Variants in SNTG2 observed in about 807,000 individuals in gnomAD.
SNTG2 encodes gamma-2-syntrophin.
A neutral mutation model predicts 70.9 loss-of-function variants in SNTG2; 74 were observed. The observed-to-expected ratio is 1.04, with a 90% CI of 0.86 to 1.27. The LOEUF (loss-of-function observed/expected upper bound fraction) is 1.27, where lower values mean the gene tolerates loss of function less well. Ranked by LOEUF, SNTG2 falls within the 50% of genes most tolerant of loss-of-function variation. The pLI, the probability that SNTG2 is intolerant of heterozygous loss-of-function variation, is 0.00. For synonymous variants in SNTG2, 278 were observed against 273.8 expected (o/e 1.02, Z -0.15); for missense variants, 717 against 690.7 (o/e 1.04, Z -0.43).
At chr2:975,547 G>A (rs1249985671) in intron 1 of SNTG2, among the ~76,000 whole-genome samples, 1 of 152,200 alleles carries the variant, frequency 6.6e-6, no homozygotes, top group Non-Finnish European at 1.5e-5. Context: ...AAGCTCTAAA[G>A]ATTAATTAAG....
chr2:1,244,695 C>CAAAAAA (rs558051455), intron 11 of SNTG2, among the ~76,000 whole-genome samples: 1 of 88,614 alleles, frequency 1.1e-5, no homozygotes, highest in Non-Finnish European at 2.3e-5. Context: ...GACTCCATCT[C>CAAAAAA]AAAAAAAAAA....
intron 12 of SNTG2, among the ~76,000 whole-genome samples, chr2:1,250,419 A>G (rs182974737): frequency 7.4e-5 from 11 of 148,942 alleles, no homozygotes; most frequent in Non-Finnish European, 1.2e-4. Context: ...ATCTCTTTCT[A>G]TCCCTCTCTC....
intron 16 of SNTG2, among the ~76,000 whole-genome samples, chr2:1,338,028 T>G (rs1016205407): frequency 6.6e-6 from 1 of 152,192 alleles, no homozygotes; most frequent in African/African-American, 2.4e-5. Context: ...TAGGCCAGGT[T>G]TTACTTCTGT....
chr2:1,354,896 G>A (rs1660760395), intron 16 of SNTG2, among the ~76,000 whole-genome samples: 1 of 152,228 alleles, frequency 6.6e-6, no homozygotes, highest in African/African-American at 2.4e-5. Flanking sequence ...CCTCTGGGTA[G>A]ACGTTTCACA....
At chr2:1,276,997 T>G (rs1165548018) in intron 14 of SNTG2, among the ~76,000 whole-genome samples, 1 of 152,254 alleles carries the variant, frequency 6.6e-6, no homozygotes, top group East Asian at 1.9e-4. Flanking sequence ...ATGATTGAAT[T>G]GCTGCAATCT....
At chr2:1,137,307 C>T (rs1158494432) in intron 4 of SNTG2, among the ~76,000 whole-genome samples, 2 of 151,910 alleles carry the variant, frequency 1.3e-5, no homozygotes, top group Non-Finnish European at 2.9e-5. Context: ...CACCTGCACA[C>T]ACACACATCT....
intron 16 of SNTG2, among the ~76,000 whole-genome samples, chr2:1,321,708 G>C (rs529058861): frequency 6.6e-6 from 1 of 152,272 alleles, no homozygotes; most frequent in African/African-American, 2.4e-5. Context: ...TGAACCAGGG[G>C]CTCCTAAATG....
At chr2:1,263,364 ATTAT>A (rs1390250265) in intron 13 of SNTG2, among the ~76,000 whole-genome samples, 1 of 152,236 alleles carries the variant, frequency 6.6e-6, no homozygotes, top group East Asian at 1.9e-4. Context: ...TATATTAATA[ATTAT>A]TGACATATTT....
intron 9 of SNTG2, among the ~76,000 whole-genome samples, chr2:1,213,843 G>A (rs970904107): frequency 1.1e-4 from 16 of 152,286 alleles, no homozygotes; most frequent in East Asian, 5.8e-4. Context: ...AATAAAAGTC[G>A]TGGAGCTTTT....
chr2:1,336,635 A>T (rs1474854974), intron 16 of SNTG2, among the ~76,000 whole-genome samples: 1 of 152,192 alleles, frequency 6.6e-6, no homozygotes, highest in Non-Finnish European at 1.5e-5. Context: ...TTGATTTTTT[A>T]TATGGTGTGA....
At chr2:1,309,591 C>T (rs1050595837) in intron 15 of SNTG2, among the ~76,000 whole-genome samples, 1 of 148,092 alleles carries the variant, frequency 6.8e-6, no homozygotes, top group African/African-American at 2.7e-5. Flanking sequence ...GGGCACAGGG[C>T]CCCACACAGG....
At chr2:1,321,328 A>ATGAAAAT (rs1195480904) in intron 16 of SNTG2, among the ~76,000 whole-genome samples, 1 of 152,200 alleles carries the variant, frequency 6.6e-6, no homozygotes, top group Admixed American at 6.5e-5. Flanking sequence ...CTCTGGGAGA[A>ATGAAAAT]ACACTACCGT....
intron 8 of SNTG2, among the ~76,000 whole-genome samples, chr2:1,179,047 G>A (rs1257978394): frequency 4.6e-5 from 7 of 152,164 alleles, no homozygotes; most frequent in Admixed American, 2.6e-4. Context: ...TGTATGTGTC[G>A]AGGAATTTAT....
intron 8 of SNTG2, among the ~76,000 whole-genome samples, chr2:1,198,220 A>G (rs893258947): frequency 3.3e-5 from 5 of 152,154 alleles, no homozygotes; most frequent in African/African-American, 1.2e-4. Context: ...CTATATAAAT[A>G]TATGAAAATT....
intron 1 of SNTG2, among the ~76,000 whole-genome samples, chr2:966,147 G>T (rs1660558023): frequency 6.6e-6 from 1 of 152,188 alleles, no homozygotes; most frequent in African/African-American, 2.4e-5. Flanking sequence ...AACCCACCTT[G>T]TCCCACCTCC....
At chr2:997,284 G>A (rs1450704786) in intron 1 of SNTG2, among the ~76,000 whole-genome samples, 1 of 152,200 alleles carries the variant, frequency 6.6e-6, no homozygotes, top group Non-Finnish European at 1.5e-5. Context: ...AAGCCTGGAT[G>A]TCAGCCATGA....
intron 1 of SNTG2, among the ~76,000 whole-genome samples, chr2:1,061,993 A>G (rs983987306): frequency 9.2e-5 from 14 of 152,236 alleles, no homozygotes; most frequent in African/African-American, 3.4e-4. Flanking sequence ...TGCAAATTAT[A>G]CATCAGAAAA....
At chr2:1,198,321 A>C (rs1262579132) in intron 8 of SNTG2, among the ~76,000 whole-genome samples, 1 of 152,158 alleles carries the variant, frequency 6.6e-6, no homozygotes, top group Non-Finnish European at 1.5e-5. Context: ...ACTGAAACAC[A>C]ATATACAAAA....
intron 9 of SNTG2, among the ~76,000 whole-genome samples, chr2:1,212,356 T>C (rs941269520): frequency 2.6e-5 from 4 of 152,176 alleles, no homozygotes; most frequent in Non-Finnish European, 4.4e-5. Context: ...TCCTGAGGCT[T>C]TCCTAGAAGC....
Sources: gnomAD v4.1 joint callset for allele counts (sites outside exome capture counted in the v4.1 genomes callset) on GRCh38, gnomAD v4.1.1 for gene constraint, MANE v1.5 for transcripts, NCBI Gene and HGNC (gene_info 2026-07-23, HGNC 2026-07-21) for gene names.